AUTS2: variants seen among roughly 807,000 people sequenced by gnomAD.
AUTS2 encodes activator of transcription and developmental regulator AUTS2.
AUTS2 carries 17 observed loss-of-function variants against 112.4 expected under a neutral mutation model. The ratio of observed to expected loss-of-function variants is 0.15; its 90% CI spans 0.10 to 0.23. The LOEUF is 0.23. Ranked by LOEUF, AUTS2 falls within the 10% of genes least tolerant of loss-of-function variation. The pLI is 1.00. For missense variants in AUTS2, 1,510 were observed against 1,701.6 expected, an observed-to-expected ratio of 0.89 and a Z score of 1.98; for synonymous variants, 751 against 702.7, an observed-to-expected ratio of 1.07 and a Z score of -1.09.
chr7:70,261,402 A>G (rs947434704), intron 4 of AUTS2, among the ~76,000 whole-genome samples: 1 of 152,236 alleles, frequency 6.6e-6, no homozygotes, highest in African/African-American at 2.4e-5. Flanking sequence ...TTGTGGTGGC[A>G]GTTATATAGA....
chr7:69,995,941 G>C (rs765085999), intron 2 of AUTS2, among the ~76,000 whole-genome samples: 2 of 152,118 alleles, frequency 1.3e-5, no homozygotes, highest in Non-Finnish European at 1.5e-5. Context: ...CTCTAAGGTG[G>C]GTCCAGTAAT....
chr7:70,167,881 TA>T (rs1431484611), intron 4 of AUTS2, among the ~76,000 whole-genome samples: 1 of 152,204 alleles, frequency 6.6e-6, no homozygotes, highest in Non-Finnish European at 1.5e-5. Flanking sequence ...TCTAGGCATT[TA>T]AAAAATATAC....
intron 2 of AUTS2, among the ~76,000 whole-genome samples, chr7:70,027,596 A>G (rs1800578725): frequency 6.6e-6 from 1 of 152,210 alleles, no homozygotes; most frequent in Admixed American, 6.5e-5. Context: ...TTTGATACAC[A>G]TTGTCAAAAA....
At chr7:69,717,802 T>C (rs1048480129) in intron 1 of AUTS2, among the ~76,000 whole-genome samples, 2 of 152,154 alleles carry the variant, frequency 1.3e-5, no homozygotes, top group Non-Finnish European at 2.9e-5. Context: ...CCCCAATATA[T>C]GCAGTGTCCT....
chr7:69,957,989 GT>G (rs1797284203), intron 2 of AUTS2, among the ~76,000 whole-genome samples: 1 of 152,150 alleles, frequency 6.6e-6, no homozygotes, highest in Admixed American at 6.5e-5. Context: ...AGCCCTGGTG[GT>G]GAGGTACTGA....
rs573703902 is a variant in AUTS2 at position 70,738,422 on chromosome 7, T to TG, written c.743-24448_743-24447insG. Reference sequence around the variant, plus strand: ...AAAAGTTGGAACAAGTTTTTTGTTTTTTTTTTTTTTACTTTTTGGACATAT... The same window carrying TG: ...AAAAGTTGGAACAAGTTTTTTGTTTTGTTTTTTTTTTACTTTTTGGACATAT... On this transcript the variant is annotated intron_variant, in intron 6 of 18. Transcript: ENST00000342771. 5.6e-3 allele frequency among the ~76,000 whole-genome samples: 851 copies of TG among 151,714 alleles called. 19 individuals carry two copies. The highest frequency in any genetic ancestry group is 0.02 in the Middle Eastern group (6 of 294).
intron 4 of AUTS2, among the ~76,000 whole-genome samples, chr7:70,150,677 T>A (rs962186535): frequency 9.2e-5 from 14 of 152,212 alleles, no homozygotes; most frequent in African/African-American, 3.4e-4. Flanking sequence ...ATTGATAAAT[T>A]CAACAGACAG....
At chr7:70,146,058 G>A (rs7791954) in intron 4 of AUTS2, among the ~76,000 whole-genome samples, 2 of 151,898 alleles carry the variant, frequency 1.3e-5, no homozygotes, top group African/African-American at 4.8e-5. Context: ...CAAAGCCAGC[G>A]ATTTATGTAA....
chr7:69,602,851 A>G (rs1032648556), intron 1 of AUTS2, among the ~76,000 whole-genome samples: 1 of 152,232 alleles, frequency 6.6e-6, no homozygotes, highest in African/African-American at 2.4e-5. Flanking sequence ...GCTGTGTGCT[A>G]TCACATTGTG....
chr7:70,377,067 A>C (rs1436046694), intron 4 of AUTS2, among the ~76,000 whole-genome samples: 2 of 151,248 alleles, frequency 1.3e-5, no homozygotes, highest in Non-Finnish European at 1.5e-5. Flanking sequence ...CAATTAGAAT[A>C]CTTTGGATTG....
At chr7:69,696,689 C>G (rs770507661) in intron 1 of AUTS2, among the ~76,000 whole-genome samples, 2 of 152,130 alleles carry the variant, frequency 1.3e-5, no homozygotes, top group Non-Finnish European at 2.9e-5. Context: ...CTCCATTTTG[C>G]CCTAAGAACC....
At chr7:70,679,402 G>C (rs1033336625) in intron 5 of AUTS2, among the ~76,000 whole-genome samples, 1 of 152,168 alleles carries the variant, frequency 6.6e-6, no homozygotes, top group Non-Finnish European at 1.5e-5. Flanking sequence ...GCCTGCCCAA[G>C]AGGCTAATTT....
At chr7:70,460,377 T>G (rs1796915435) in intron 5 of AUTS2, among the ~76,000 whole-genome samples, 1 of 137,636 alleles carries the variant, frequency 7.3e-6, no homozygotes, top group Non-Finnish European at 1.5e-5. Context: ...TGAGATGGAG[T>G]TTCGCTTGTG....
chr7:70,549,787 A>C (rs79127975), intron 5 of AUTS2, among the ~76,000 whole-genome samples: 2,182 of 152,316 alleles, frequency 0.014, 51 homozygotes, highest in African/African-American at 0.05. Context: ...CAGAACAGAC[A>C]AGATAAGCCC....
intron 1 of AUTS2, among the ~76,000 whole-genome samples, chr7:69,892,114 A>T (rs1178482412): frequency 7.4e-6 from 1 of 135,254 alleles, no homozygotes; most frequent in East Asian, 2.2e-4. Context: ...TTAGCAAAGT[A>T]TCTGAATCTT....
chr7:69,607,507 A>G (rs1193099614), intron 1 of AUTS2, among the ~76,000 whole-genome samples: 1 of 152,190 alleles, frequency 6.6e-6, no homozygotes, highest in Non-Finnish European at 1.5e-5. Context: ...GAGGAACTCT[A>G]ATTTAGCTCT....
chr7:70,307,668 T>C (rs1416832275), intron 4 of AUTS2, among the ~76,000 whole-genome samples: 2 of 152,188 alleles, frequency 1.3e-5, no homozygotes, highest in African/African-American at 4.8e-5. Context: ...CACCAAGTTA[T>C]GAAATCACAC....
intron 4 of AUTS2, chr7:70,290,788 T>C (rs1562855035): frequency 3.8e-6 from 2 of 528,136 alleles, no homozygotes; most frequent in East Asian, 1.5e-4. Flanking sequence ...TTTAAAAGAG[T>C]GCTGCTTGCC....
intron 6 of AUTS2, among the ~76,000 whole-genome samples, chr7:70,705,209 G>T (rs149387080): frequency 6.6e-6 from 1 of 152,240 alleles, no homozygotes; most frequent in East Asian, 1.9e-4. Flanking sequence ...CTCTCGTCTG[G>T]AATTTATTTA....
Sources: allele counts gnomAD v4.1 joint callset (sites outside exome capture counted in the v4.1 genomes callset), GRCh38; gene constraint gnomAD v4.1.1; transcripts MANE v1.5; gene names NCBI Gene and HGNC (gene_info 2026-07-23, HGNC 2026-07-21).